The following XIRP2 variants were observed in gnomAD, a reference collection of about 807,000 sequenced individuals.
XIRP2 encodes xin actin binding repeat containing 2.
In XIRP2, 236 loss-of-function variants were observed where a neutral mutation model predicts 277.0. That is an observed-to-expected ratio of 0.85 (90% CI 0.77 to 0.95). The LOEUF is 0.95. XIRP2 is among the 40% of genes least tolerant of loss of function. The pLI is 0.00. For synonymous variants in XIRP2, 1,490 were observed against 1,416.5 expected (o/e 1.05, Z -1.17); for missense variants, 4,640 against 4,157.5 (o/e 1.12, Z -3.19).
At chr2:166,925,568 T>A (rs1685157286) in intron 2 of XIRP2, among the ~76,000 whole-genome samples, 2 of 142,104 alleles carry the variant, frequency 1.4e-5, no homozygotes, top group African/African-American at 5.2e-5. Context: ...TGTGTGTGTG[T>A]ATGTATGTGT....
At chr2:166,890,779 C>T (rs1383688275) in intron 1 of XIRP2, among the ~76,000 whole-genome samples, 2 of 152,130 alleles carry the variant, frequency 1.3e-5, no homozygotes, top group Admixed American at 6.5e-5. Context: ...TAACAAATTT[C>T]TTCTTTTGTT....
intron 3 of XIRP2, among the ~76,000 whole-genome samples, chr2:167,155,354 A>C (rs1181296428): frequency 6.6e-6 from 1 of 151,880 alleles, no homozygotes; most frequent in Non-Finnish European, 1.5e-5. Flanking sequence ...TCAATAAAAT[A>C]CTGGCAAACC....
At chr2:167,009,371 A>G (rs951863282) in intron 2 of XIRP2, among the ~76,000 whole-genome samples, 1 of 151,824 alleles carries the variant, frequency 6.6e-6, no homozygotes, top group Non-Finnish European at 1.5e-5. Flanking sequence ...AATTTCATCC[A>G]TGTCCCTACA....
chr2:167,004,930 C>T (rs1687467527), intron 2 of XIRP2, among the ~76,000 whole-genome samples: 1 of 151,864 alleles, frequency 6.6e-6, no homozygotes, highest in Non-Finnish European at 1.5e-5. Flanking sequence ...TTTTAACTGA[C>T]ATGGTGCAAT....
intron 2 of XIRP2, among the ~76,000 whole-genome samples, chr2:167,097,988 CT>C (rs746872798): frequency 6.6e-6 from 1 of 152,202 alleles, no homozygotes; most frequent in South Asian, 2.1e-4. Flanking sequence ...ACATTTTTTC[CT>C]TCATTTCAAC....
At position 167,170,153 on chromosome 2, in the gene XIRP2, A is replaced by C. The variant is rs373306801; in HGVS notation, c.562+34091A>C. ...TCTTCAGTTATTGCAATGATAAAGA[A>C]CTTTTAAAAATTTTTTTAAATGATC... is the stretch of plus-strand genomic sequence containing the variant. On this transcript the variant is annotated intron_variant, in intron 3 of 10. Transcript: ENST00000409195. 3.3e-5 allele frequency among the ~76,000 whole-genome samples: 5 copies of C among 152,258 alleles called. No homozygotes were observed. The East Asian group carries it at 9.7e-4, about 29-fold the overall frequency.
intron 3 of XIRP2, among the ~76,000 whole-genome samples, chr2:167,148,814 A>G (rs1691934999): frequency 6.6e-6 from 1 of 152,188 alleles, no homozygotes; most frequent in Non-Finnish European, 1.5e-5. Context: ...AATAAAGAAT[A>G]ATCTTTTAAG....
At chr2:167,180,414 T>A (rs1166392089) in intron 3 of XIRP2, among the ~76,000 whole-genome samples, 1 of 152,184 alleles carries the variant, frequency 6.6e-6, no homozygotes, top group Non-Finnish European at 1.5e-5. Flanking sequence ...ATGGAAAAAT[T>A]TCTCAAAATT....
At chr2:166,996,333 C>G (rs946403698) in intron 2 of XIRP2, among the ~76,000 whole-genome samples, 1 of 152,122 alleles carries the variant, frequency 6.6e-6, no homozygotes, top group Non-Finnish European at 1.5e-5. Context: ...AAGTAAAATT[C>G]TAAAATGTCT....
intron 2 of XIRP2, among the ~76,000 whole-genome samples, chr2:167,012,810 C>G (rs1324252268): frequency 1.3e-5 from 2 of 151,476 alleles, no homozygotes; most frequent in Non-Finnish European, 3.0e-5. Flanking sequence ...ATCTAACTTC[C>G]CATAATCTAG....
intron 2 of XIRP2, among the ~76,000 whole-genome samples, chr2:167,023,594 A>C (rs1205933756): frequency 6.6e-6 from 1 of 152,216 alleles, no homozygotes; most frequent in Non-Finnish European, 1.5e-5. Flanking sequence ...TTTAGGTCAA[A>C]CATGTAAGTC....
rs780204713 is a variant in XIRP2 at position 167,251,495 on chromosome 2, G to A, written c.10103G>A (p.Ser3368Asn). ...GETNHNIQQE[S>N]RTFCKEEFGL... is the part of the protein sequence containing the mutation. ...ACAAACCATAACATACAACAAGAAA[G>A]TCGTACATTTTGTAAGGAGGAATTT... Residue 3368 changes from serine to asparagine, a missense_variant, in exon 9 of 11, where the codon AGT becomes AAT. Physicochemically the swap from Ser to Asn is conservative, Grantham distance 46. Transcript: ENST00000409195. The A allele has an allele frequency of 3.1e-6, 5 of 1,613,502 alleles. No individual in the cohort carries two copies. In the East Asian group the frequency reaches 1.1e-4, roughly 36 times the overall value.
At chr2:167,106,646 CA>C (rs923164640) in intron 2 of XIRP2, among the ~76,000 whole-genome samples, 2 of 151,350 alleles carry the variant, frequency 1.3e-5, no homozygotes, top group Admixed American at 6.6e-5. Context: ...TTATTTTTTA[CA>C]AAAAAAGTTT....
intron 2 of XIRP2, among the ~76,000 whole-genome samples, chr2:166,963,448 T>C (rs909740069): frequency 1.3e-5 from 2 of 151,780 alleles, no homozygotes; most frequent in African/African-American, 4.8e-5. Context: ...TAATTTCAGA[T>C]AGCAACAAGT....
chr2:166,888,801 T>G (rs760868698), intron 1 of XIRP2, among the ~76,000 whole-genome samples: 10 of 152,182 alleles, frequency 6.6e-5, no homozygotes, highest in Middle Eastern at 3.2e-3. Context: ...CAATTTAATC[T>G]GGGGCAGCAA....
At chr2:166,961,900 ATATT>A (rs1181017511) in intron 2 of XIRP2, among the ~76,000 whole-genome samples, 1 of 151,760 alleles carries the variant, frequency 6.6e-6, no homozygotes, top group Non-Finnish European at 1.5e-5. Flanking sequence ...AAAATATTGA[ATATT>A]TGTCTTTTAA....
At chr2:167,208,062 A>C (rs1205251180) in intron 3 of XIRP2, among the ~76,000 whole-genome samples, 1 of 152,194 alleles carries the variant, frequency 6.6e-6, no homozygotes, top group Non-Finnish European at 1.5e-5. Context: ...CATTAACTCA[A>C]GATTTGGGAG....
At chr2:166,902,009 T>C (rs1684398962) in intron 1 of XIRP2, among the ~76,000 whole-genome samples, 1 of 152,114 alleles carries the variant, frequency 6.6e-6, no homozygotes, top group African/African-American at 2.4e-5. Context: ...GGGTGTTGAA[T>C]ACACACTAGA....
At chr2:166,935,223 G>A (rs1260607075) in intron 2 of XIRP2, among the ~76,000 whole-genome samples, 2 of 152,134 alleles carry the variant, frequency 1.3e-5, no homozygotes, top group East Asian at 3.8e-4. Flanking sequence ...ATTCTATACA[G>A]GGAACAGGTC....
Sources: allele counts gnomAD v4.1 joint callset (sites outside exome capture counted in the v4.1 genomes callset), GRCh38; gene constraint gnomAD v4.1.1; transcripts MANE v1.5; gene names NCBI Gene and HGNC (gene_info 2026-07-23, HGNC 2026-07-21).